Variants in GLYAT observed in about 807,000 individuals in gnomAD.
GLYAT encodes glycine-N-acyltransferase, also known as glycine N-acyltransferase.
In GLYAT, 25 loss-of-function variants were observed where a neutral mutation model predicts 22.8. The observed-to-expected ratio is 1.09, with a 90% CI of 0.80 to 1.53. The LOEUF (loss-of-function observed/expected upper bound fraction) is 1.53. Among genes scored for constraint, GLYAT ranks in the 40% most tolerant of loss-of-function variants. The probability of loss-of-function intolerance (pLI) is 0.00; values close to 1 mark genes in which losing one functional copy is unlikely to be tolerated. For missense variants in GLYAT, 411 were observed against 353.9 expected, an observed-to-expected ratio of 1.16 and a Z score of -1.29; for synonymous variants, 140 against 122.7, an observed-to-expected ratio of 1.14 and a Z score of -0.93.
At chr11:58,715,942 G>C (rs181347077) in intron 2 of GLYAT, among the ~76,000 whole-genome samples, 34 of 152,250 alleles carry the variant, frequency 2.2e-4, no homozygotes, top group Admixed American at 5.9e-4. Context: ...ATCCAGAAGA[G>C]TAATTGCTGG....
chr11:58,713,324 C>A (rs918126233), intron 3 of GLYAT, among the ~76,000 whole-genome samples: 2 of 152,006 alleles, frequency 1.3e-5, no homozygotes, highest in African/African-American at 4.8e-5. Context: ...AATTCCAGAA[C>A]AATACTATTC....
At chr11:58,723,299 T>C (rs1201284360) in intron 2 of GLYAT, among the ~76,000 whole-genome samples, 1 of 152,108 alleles carries the variant, frequency 6.6e-6, no homozygotes, top group Non-Finnish European at 1.5e-5. Context: ...AGGATTGTCA[T>C]GTGAAGCCAC....
rs937269524 is a variant in GLYAT, at chr11:58,712,978, A to G, written c.190-92T>C. The G allele has an allele frequency of 7.6e-6, 6 of 786,546 alleles. No homozygotes were observed. The African/African-American group carries it at 1.1e-4, about 14-fold the overall frequency. The allele number at this position is 786,546 out of a possible 1,614,324, so 48.7% of individuals were successfully genotyped here. A position where few individuals can be genotyped will look rare whatever the true frequency, so the allele number is the denominator to read the frequency against. ...CTGTGATATTTCTAAGTAATAAAATATTGGTAGTTTTATTGGTGTATCACA... is the reference window on the plus strand; with the variant it reads ...CTGTGATATTTCTAAGTAATAAAATGTTGGTAGTTTTATTGGTGTATCACA... On this transcript the variant is annotated intron_variant, in intron 3 of 5. Coordinates refer to ENST00000344743, the MANE Select transcript of GLYAT (RefSeq NM_201648.3).
At chr11:58,717,090 C>A (rs1335909938) in intron 2 of GLYAT, among the ~76,000 whole-genome samples, 1 of 152,120 alleles carries the variant, frequency 6.6e-6, no homozygotes, top group East Asian at 1.9e-4. Flanking sequence ...TTACCCAAAG[C>A]AGTTTCCAGG....
chr11:58,715,364 C>T lies in GLYAT; in HGVS notation c.141G>A (p.Val47=), dbSNP rs1336695740. 6.2e-7 allele frequency: 1 copy of T among 1,603,118 alleles called. No individual in the cohort carries two copies. Among genetic ancestry groups the T allele is most frequent in the Non-Finnish European group, 8.5e-7 (1 of 1,170,394 alleles). ...HGNPFNLKAV[V]DKWPDFNTVV... ...CTGTATTAAAATCAGGCCACTTGTC[C>T]ACCACAGCCTTCAGATTGAATGGAT... is the stretch of plus-strand genomic sequence containing the variant. Residue 47 remains valine, a synonymous_variant, in exon 3 of 6, where the codon GTG becomes GTA. Transcript: ENST00000344743.
intron 2 of GLYAT, among the ~76,000 whole-genome samples, chr11:58,717,735 C>A (rs1856701722): frequency 6.6e-6 from 1 of 151,972 alleles, no homozygotes; most frequent in African/African-American, 2.4e-5. Context: ...TCCAGTTTCC[C>A]ATTTTTACTA....
At chr11:58,715,033 G>A (rs1005730762) in intron 3 of GLYAT, among the ~76,000 whole-genome samples, 1 of 151,968 alleles carries the variant, frequency 6.6e-6, no homozygotes, top group Admixed American at 6.6e-5. Flanking sequence ...TCTCCACCAA[G>A]AAGTATACTG....
intron 4 of GLYAT, 56 bp from the exon 5 acceptor site, chr11:58,710,817 T>C: frequency 9.5e-7 from 1 of 1,055,782 alleles, no homozygotes; most frequent in Non-Finnish European, 1.5e-6. Context: ...AGACTGAAGT[T>C]CTGCAGTGGA....
intron 1 of GLYAT, 28 bp from the exon 2 acceptor site, chr11:58,724,539 G>A (rs1328280587): frequency 1.6e-6 from 2 of 1,269,946 alleles, no homozygotes; most frequent in Non-Finnish European, 2.2e-6. Flanking sequence ...GAACATACAG[G>A]ATTGAGAAAA....
At position 58,712,832 on chromosome 11, in the gene GLYAT, C is replaced by G; in HGVS notation, c.244G>C (p.Asp82His). The change falls in exon 4 of 6, where the codon GAT (aspartate) becomes CAT (histidine). Residue 82 changes from aspartate to histidine, a missense_variant. By Grantham distance (81) the Asp-to-His change is moderately conservative. Coordinates refer to ENST00000344743, the MANE Select transcript of GLYAT (RefSeq NM_201648.3). ...YTNTYQIYSK[D>H]PQNCQEFLGS... ...AGGAATTCCTGACAGTTTTGGGGAT[C>G]TTTGGAGTAGATTTGGTAAGTATTG... The G allele has an allele frequency of 6.2e-7, 1 of 1,609,400 alleles. No homozygotes were observed.
In GLYAT at chr11:58,708,907, G is replaced by T. The variant is rs1437993169; in HGVS notation, c.*859C>A. The T allele has an allele frequency of 2.0e-5, 3 of 152,148 alleles. No homozygotes were observed. The highest frequency in any genetic ancestry group is 2.9e-5 in the Non-Finnish European group (2 of 68,022). 9.4% of individuals were successfully genotyped at this position (152,148 alleles called of 1,614,324 possible). A position where few individuals can be genotyped will look rare whatever the true frequency, so the allele number is the denominator to read the frequency against. On this transcript the variant is annotated 3_prime_UTR_variant, in exon 6 of 6. Coordinates refer to ENST00000344743, the MANE Select transcript of GLYAT (RefSeq NM_201648.3). ...GTGCTGAGGCTAATTGGACAAGCAGGTGTTCATGCTGTCTCCTCTCCCTTC... is the reference window on the plus strand; with the variant it reads ...GTGCTGAGGCTAATTGGACAAGCAGTTGTTCATGCTGTCTCCTCTCCCTTC...
At chr11:58,728,913 G>A (rs569095884) in intron 1 of GLYAT, among the ~76,000 whole-genome samples, 1,359 of 126,218 alleles carry the variant, frequency 0.011, 5 homozygotes, top group African/African-American at 0.025. Context: ...AAGGAAGGAA[G>A]GAAGGAAGGA....
intron 3 of GLYAT, among the ~76,000 whole-genome samples, 158 bp from the exon 4 acceptor site, chr11:58,713,044 G>C (rs528195080): frequency 6.6e-6 from 1 of 152,122 alleles, no homozygotes; most frequent in African/African-American, 2.4e-5. Context: ...TGTAAAAAAT[G>C]TGTAATATTT....
chr11:58,711,610 C>T (rs933475081), intron 4 of GLYAT, among the ~76,000 whole-genome samples: 4 of 152,070 alleles, frequency 2.6e-5, no homozygotes, highest in African/African-American at 7.2e-5. Context: ...TTCTGGGCTG[C>T]GTAATTGTGT....
intron 1 of GLYAT, among the ~76,000 whole-genome samples, chr11:58,724,887 G>A (rs1307097100): frequency 2.0e-5 from 3 of 152,184 alleles, no homozygotes; most frequent in Non-Finnish European, 2.9e-5. Context: ...TTCCTCAAAG[G>A]TAGTTGGGAT....
rs1856583263 is a variant in GLYAT, at chr11:58,709,591, C to T, written c.*175G>A. The T allele has an allele frequency of 1.6e-6, 1 of 612,284 alleles. No individual in the cohort carries two copies. The highest frequency in any genetic ancestry group is 2.7e-6 in the Non-Finnish European group (1 of 370,496). 37.9% of individuals were successfully genotyped at this position (612,284 alleles called of 1,614,324 possible). ...CTGGGCCTGCTTCCCACTGAGAAAC[C>T]TGTGAATGCAGGGACCATGGCGATG... On this transcript the variant is annotated 3_prime_UTR_variant, in exon 6 of 6. Coordinates refer to ENST00000344743, the MANE Select transcript of GLYAT (RefSeq NM_201648.3).
At chr11:58,717,253 A>G (rs2134485844) in intron 2 of GLYAT, among the ~76,000 whole-genome samples, 1 of 152,154 alleles carries the variant, frequency 6.6e-6, no homozygotes, top group East Asian at 1.9e-4. Flanking sequence ...AGGACAGTTT[A>G]TTTCTAGATG....
In GLYAT at chr11:58,710,093, A is replaced by G; in HGVS notation, c.564T>C (p.Gly188=). 1 of 1,614,056 alleles carries G rather than the reference A, an allele frequency of 6.2e-7. No homozygotes were observed. The highest frequency in any genetic ancestry group is 2.2e-5 in the East Asian group (1 of 44,884). The change falls in exon 6 of 6, where the codon GGT becomes GGC. Residue 188 remains glycine, a synonymous_variant. Transcript: ENST00000344743. ...AHLVNKFWHF[G]GNERSQRFIE... ...TGAATCTCTGGCTCCTCTCATTACCACCAAAATGCCAGAATTTATTCACCA... is the reference window on the plus strand; with the variant it reads ...TGAATCTCTGGCTCCTCTCATTACCGCCAAAATGCCAGAATTTATTCACCA...
At chr11:58,714,358 T>C (rs1249978937) in intron 3 of GLYAT, among the ~76,000 whole-genome samples, 1 of 152,214 alleles carries the variant, frequency 6.6e-6, no homozygotes, top group African/African-American at 2.4e-5. Context: ...TTAAATAACT[T>C]TATTAGCATT....
Sources: allele counts gnomAD v4.1 joint callset (sites outside exome capture counted in the v4.1 genomes callset), GRCh38; gene constraint gnomAD v4.1.1; transcripts MANE v1.5; gene names NCBI Gene and HGNC (gene_info 2026-07-23, HGNC 2026-07-21).